Variants in PCCB observed in about 807,000 individuals in gnomAD.
PCCB encodes the protein propionyl-CoA carboxylase beta chain, mitochondrial.
Under a neutral mutation model 60.7 loss-of-function variants are expected in PCCB, and 43 were observed. The ratio of observed to expected loss-of-function variants is 0.71; its 90% CI spans 0.55 to 0.91. The LOEUF (loss-of-function observed/expected upper bound fraction) is 0.91. PCCB is among the 40% of genes least tolerant of loss of function. The pLI, the probability that PCCB is intolerant of heterozygous loss-of-function variation, is 0.00. For missense variants in PCCB, 766 were observed against 702.8 expected (o/e 1.09, Z -1.02); for synonymous variants, 276 against 255.9 (o/e 1.08, Z -0.75).
intron 10 of PCCB, among the ~76,000 whole-genome samples, chr3:136,317,370 T>TA: frequency 6.6e-6 from 1 of 151,618 alleles, no homozygotes; most frequent in African/African-American, 2.4e-5. Flanking sequence ...TACAGGCACA[T>TA]ACCACCATAC....
At chr3:136,256,977 C>T (rs1335028228) in intron 3 of PCCB, among the ~76,000 whole-genome samples, 1 of 152,150 alleles carries the variant, frequency 6.6e-6, no homozygotes, top group African/African-American at 2.4e-5. Context: ...GTGGGTGCAG[C>T]CTCGCAAAGG....
At chr3:136,290,787 T>C (rs1384303033) in intron 6 of PCCB, among the ~76,000 whole-genome samples, 1 of 151,614 alleles carries the variant, frequency 6.6e-6, no homozygotes. Context: ...TCCTATATTC[T>C]GTTCTTTTTT....
At chr3:136,266,776 G>A (rs1941994154) in intron 5 of PCCB, among the ~76,000 whole-genome samples, 4 of 152,256 alleles carry the variant, frequency 2.6e-5, no homozygotes, top group South Asian at 4.1e-4. Flanking sequence ...AGTTGTAAGA[G>A]TTCTTCATAT....
rs3994953 is a variant in PCCB, at chr3:136,254,518, CTTTTTTTTTTT to C, written c.184-1318_184-1308del. Among the ~76,000 whole-genome samples the C allele has an allele frequency of 4.0e-3, 185 of 45,930 alleles. 1 individual carries two copies. The Middle Eastern group carries it at 0.077, about 19-fold the overall frequency. The allele number at this position is 45,930 out of a possible 152,430, so 30.1% of individuals were successfully genotyped here. A position where few individuals can be genotyped will look rare whatever the true frequency, so the allele number is the denominator to read the frequency against. On this transcript the variant is annotated intron_variant, in intron 1 of 14. Coordinates refer to ENST00000251654, the MANE Select transcript of PCCB (RefSeq NM_000532.5). ...TACAGGTGTGAGCCACTGCGGCTAG[CTTTTTTTTTTT>C]TTTTTTTTTTTTTTTTTTTAAAAGA...
At chr3:136,265,069 C>CT (rs1333901077) in intron 5 of PCCB, among the ~76,000 whole-genome samples, 1 of 151,990 alleles carries the variant, frequency 6.6e-6, no homozygotes, top group Non-Finnish European at 1.5e-5. Context: ...TGGCGAGCGC[C>CT]TGTAATCCCA....
At position 136,301,124 on chromosome 3, in the gene PCCB, T is replaced by C; in HGVS notation, c.966+13T>C. 1.2e-6 allele frequency: 2 copies of C among 1,603,306 alleles called. No individual in the cohort carries two copies. The highest frequency in any genetic ancestry group is 1.7e-6 in the Non-Finnish European group (2 of 1,170,042). On this transcript the variant is annotated intron_variant, in intron 9 of 14. Transcript: ENST00000251654. Reference sequence around the variant, plus strand: ...CATCATACACTCTGTAAGTGCCACATCTGTTTGTCTTGCCTGTCCTAGTCA... The same window carrying C: ...CATCATACACTCTGTAAGTGCCACACCTGTTTGTCTTGCCTGTCCTAGTCA...
At chr3:136,271,671 G>GT (rs1195183043) in intron 5 of PCCB, among the ~76,000 whole-genome samples, 1 of 152,114 alleles carries the variant, frequency 6.6e-6, no homozygotes, top group East Asian at 1.9e-4. Context: ...GTTATTGTTG[G>GT]TGTATAGCAG....
chr3:136,251,029 T>G (rs1941501465), intron 1 of PCCB, among the ~76,000 whole-genome samples: 1 of 152,118 alleles, frequency 6.6e-6, no homozygotes. Context: ...TCCACTAACA[T>G]GAAATGGGGG....
chr3:136,282,505 T>G, intron 5 of PCCB, among the ~76,000 whole-genome samples: 1 of 152,248 alleles, frequency 6.6e-6, no homozygotes, highest in East Asian at 1.9e-4. Flanking sequence ...ACTATATATC[T>G]CTTAATTTAT....
intron 6 of PCCB, 91 bp downstream of exon 6, chr3:136,284,038 G>A: frequency 1.2e-6 from 1 of 821,566 alleles, no homozygotes; most frequent in South Asian, 1.4e-5. Context: ...GATCTAGGTT[G>A]TTACCTGCAT....
chr3:136,282,510 A>G (rs528020984), intron 5 of PCCB, among the ~76,000 whole-genome samples: 1 of 152,252 alleles, frequency 6.6e-6, no homozygotes, highest in East Asian at 1.9e-4. Flanking sequence ...ATATCTCTTA[A>G]TTTATCACAG....
At chr3:136,301,288 T>G (rs1366645163) in intron 9 of PCCB, among the ~76,000 whole-genome samples, 177 bp downstream of exon 9, 1 of 152,128 alleles carries the variant, frequency 6.6e-6, no homozygotes, top group Non-Finnish European at 1.5e-5. Context: ...AAAGACCTAG[T>G]GGCTATAGAT....
intron 10 of PCCB, among the ~76,000 whole-genome samples, chr3:136,324,095 T>C (rs1935210356): frequency 6.6e-6 from 1 of 151,942 alleles, no homozygotes. Flanking sequence ...GTCACTGAAG[T>C]CCCTGTTTCT....
At chr3:136,308,736 G>T (rs746700813) in intron 9 of PCCB, among the ~76,000 whole-genome samples, 2 of 152,088 alleles carry the variant, frequency 1.3e-5, no homozygotes, top group African/African-American at 4.8e-5. Context: ...AAAATACTGT[G>T]AAACAACATT....
intron 7 of PCCB, 86 bp downstream of exon 7, chr3:136,293,950 T>C: frequency 1.2e-6 from 1 of 808,550 alleles, no homozygotes; most frequent in Non-Finnish European, 2.2e-6. Context: ...TTTTAAGAAA[T>C]ATTACTTAAT....
At chr3:136,258,517 G>GA (rs771615667) in intron 3 of PCCB, among the ~76,000 whole-genome samples, 7 of 152,118 alleles carry the variant, frequency 4.6e-5, no homozygotes, top group Non-Finnish European at 8.8e-5. Context: ...TGATCTCCAA[G>GA]ATGTTAATAT....
chr3:136,258,471 G>T (rs935313704), intron 3 of PCCB, among the ~76,000 whole-genome samples: 2 of 152,208 alleles, frequency 1.3e-5, no homozygotes, highest in African/African-American at 4.8e-5. Context: ...GAAGGATACT[G>T]AGGGTAGGGA....
rs1163449302 is a variant in PCCB at position 136,303,583 on chromosome 3, GCTTTA to G, written c.966+2476_966+2480del. 1.6e-5 allele frequency among the ~76,000 whole-genome samples: 2 copies of G among 121,582 alleles called. 1 individual carries two copies. 79.8% of individuals were successfully genotyped at this position (121,582 alleles called of 152,430 possible). On this transcript the variant is annotated intron_variant, in intron 9 of 14. Coordinates refer to ENST00000251654, the MANE Select transcript of PCCB (RefSeq NM_000532.5). ...AGGTTTTGGTATCGATGTTGTATTT[GCTTTA>G]CTTATTTATTTATTTAAAAAAAATT...
chr3:136,312,811 A>T (rs1313855611), intron 9 of PCCB, among the ~76,000 whole-genome samples: 1 of 152,210 alleles, frequency 6.6e-6, no homozygotes, highest in Admixed American at 6.5e-5. Flanking sequence ...AAATAAAATC[A>T]AAAGGCAACC....
Sources: allele counts gnomAD v4.1 joint callset (sites outside exome capture counted in the v4.1 genomes callset), GRCh38; gene constraint gnomAD v4.1.1; transcripts MANE v1.5; gene names NCBI Gene and HGNC (gene_info 2026-07-23, HGNC 2026-07-21).